The following RBFOX1 variants were observed in gnomAD, a reference collection of about 807,000 sequenced individuals.
The protein encoded by RBFOX1 is RNA binding fox-1 homolog 1, also known as RNA binding protein fox-1 homolog 1.
A neutral mutation model predicts 57.7 loss-of-function variants in RBFOX1; 8 were observed. That is an observed-to-expected ratio of 0.14 (90% CI 0.08 to 0.25). RBFOX1 has a LOEUF of 0.25. Ranked by LOEUF, RBFOX1 falls within the 10% of genes least tolerant of loss-of-function variation. RBFOX1 has a pLI of 1.00. For missense variants in RBFOX1, 611 were observed against 548.5 expected (o/e 1.11, Z -1.14); for synonymous variants, 326 against 222.4 (o/e 1.47, Z -4.15).
At chr16:6,278,732 C>G (rs1029648866) in intron 1 of RBFOX1, among the ~76,000 whole-genome samples, 9 of 151,932 alleles carry the variant, frequency 5.9e-5, no homozygotes, top group African/African-American at 2.2e-4. Context: ...TTGCATACAG[C>G]TTAGAGCAGA....
intron 1 of RBFOX1, among the ~76,000 whole-genome samples, chr16:6,306,915 G>A (rs1387536530): frequency 6.6e-6 from 1 of 152,124 alleles, no homozygotes; most frequent in African/African-American, 2.4e-5. Flanking sequence ...GATTGGTAAA[G>A]GAAGATATAG....
At chr16:7,213,883 G>A (rs1225107852) in intron 4 of RBFOX1, among the ~76,000 whole-genome samples, 1 of 152,182 alleles carries the variant, frequency 6.6e-6, no homozygotes, top group African/African-American at 2.4e-5. Flanking sequence ...CTCAAAGACA[G>A]CTAGAGGGCT....
At chr16:7,587,396 G>A (rs2094186907) in intron 7 of RBFOX1, 96 bp downstream of exon 7, 1 of 1,234,508 alleles carries the variant, frequency 8.1e-7, no homozygotes, top group East Asian at 2.8e-5. Flanking sequence ...TCAGCTCATT[G>A]TGAAAATACA....
chr16:7,294,657 T>C (rs867438895), intron 4 of RBFOX1, among the ~76,000 whole-genome samples: 19 of 152,034 alleles, frequency 1.2e-4, no homozygotes, highest in Middle Eastern at 3.2e-3. Flanking sequence ...TATGATAAAA[T>C]TAGGTGGCTG....
intron 4 of RBFOX1, among the ~76,000 whole-genome samples, chr16:7,132,433 GACAC>G (rs36226659): frequency 0.072 from 10,387 of 144,538 alleles, 441 homozygotes; most frequent in Non-Finnish European, 0.1. Flanking sequence ...GTGATACACA[GACAC>G]ACACACACAC....
At chr16:7,643,163 A>G (rs1174345601) in intron 11 of RBFOX1, among the ~76,000 whole-genome samples, 3 of 152,202 alleles carry the variant, frequency 2.0e-5, no homozygotes, top group African/African-American at 7.2e-5. Flanking sequence ...CAGAGACACA[A>G]GGACCTTACA....
chr16:6,852,013 T>A (rs1380851805), intron 3 of RBFOX1, among the ~76,000 whole-genome samples: 1 of 150,512 alleles, frequency 6.6e-6, no homozygotes, highest in Non-Finnish European at 1.5e-5. Context: ...GCAAGCTCCA[T>A]CTCCCGGGTT....
chr16:5,462,254 C>A (rs4786032), intron 1 of RBFOX1, among the ~76,000 whole-genome samples: 1 of 151,060 alleles, frequency 6.6e-6, no homozygotes, highest in Admixed American at 6.6e-5. Context: ...CTGCAAGCTC[C>A]GCCTCCCGGG....
At chr16:6,998,882 AT>A (rs2092504903) in intron 3 of RBFOX1, among the ~76,000 whole-genome samples, 1 of 151,546 alleles carries the variant, frequency 6.6e-6, no homozygotes, top group Non-Finnish European at 1.5e-5. Context: ...TATTATTATT[AT>A]TTTGCGACTG....
At chr16:6,994,582 A>G (rs1020564216) in intron 3 of RBFOX1, among the ~76,000 whole-genome samples, 1 of 152,204 alleles carries the variant, frequency 6.6e-6, no homozygotes, top group Non-Finnish European at 1.5e-5. Context: ...TGTTGGGTCC[A>G]GCACCAGGAA....
At chr16:5,377,478 TGAG>T (rs768245262) in intron 1 of RBFOX1, among the ~76,000 whole-genome samples, 4 of 145,344 alleles carry the variant, frequency 2.8e-5, no homozygotes, top group Non-Finnish European at 4.5e-5. Context: ...GTGAGCTTGG[TGAG>T]GAGGAGGAGT....
chr16:7,125,202 C>G (rs1044984105), intron 4 of RBFOX1, among the ~76,000 whole-genome samples: 26 of 152,204 alleles, frequency 1.7e-4, no homozygotes. Context: ...GCCACACTGT[C>G]TTGAGTTCAG....
chr16:6,138,184 T>G (rs554622732), intron 1 of RBFOX1, among the ~76,000 whole-genome samples: 1 of 152,356 alleles, frequency 6.6e-6, no homozygotes, highest in Non-Finnish European at 1.5e-5. Flanking sequence ...AGGGCCCATT[T>G]GATGGGTGTG....
At chr16:6,644,933 G>A (rs1284932963) in intron 2 of RBFOX1, among the ~76,000 whole-genome samples, 2 of 152,144 alleles carry the variant, frequency 1.3e-5, no homozygotes, top group African/African-American at 4.8e-5. Flanking sequence ...TATTTTCTAT[G>A]ACTTCCGTAG....
At chr16:6,294,903 A>G (rs1403583013) in intron 1 of RBFOX1, among the ~76,000 whole-genome samples, 1 of 152,164 alleles carries the variant, frequency 6.6e-6, no homozygotes, top group Non-Finnish European at 1.5e-5. Context: ...GCTGATAAAA[A>G]AAGATACATG....
At chr16:7,195,517 A>T (rs111800818) in intron 4 of RBFOX1, among the ~76,000 whole-genome samples, 9 of 152,286 alleles carry the variant, frequency 5.9e-5, no homozygotes, top group African/African-American at 2.2e-4. Flanking sequence ...TTGAGGACCT[A>T]CGATGCTTGC....
chr16:6,862,269 A>G lies in RBFOX1; in HGVS notation c.-15-189788A>G, dbSNP rs543843666. 1.2e-4 allele frequency among the ~76,000 whole-genome samples: 19 copies of G among 152,246 alleles called. No individual in the cohort carries two copies. In the South Asian group the frequency reaches 3.9e-3, roughly 32 times the overall value. ...CCAGAGTCCTAGGCCACCTCCAGAG[A>G]TTTTAATTCTGTAGGTCTGGAGTGG... On this transcript the variant is annotated intron_variant, in intron 3 of 15. Coordinates refer to ENST00000550418, the MANE Select transcript of RBFOX1 (RefSeq NM_018723.4).
chr16:7,363,953 T>C (rs571400574), intron 4 of RBFOX1, among the ~76,000 whole-genome samples: 4 of 152,198 alleles, frequency 2.6e-5, no homozygotes, highest in African/African-American at 9.6e-5. Flanking sequence ...TGGTGTCTTA[T>C]GGTGAGGAAA....
intron 3 of RBFOX1, among the ~76,000 whole-genome samples, chr16:7,040,062 C>T (rs1332827418): frequency 3.3e-5 from 5 of 151,662 alleles, no homozygotes; most frequent in Non-Finnish European, 7.4e-5. Context: ...TGCTCTGTCA[C>T]CAGGTTGGAG....
Sources: allele counts gnomAD v4.1 joint callset (sites outside exome capture counted in the v4.1 genomes callset), GRCh38; gene constraint gnomAD v4.1.1; transcripts MANE v1.5; gene names NCBI Gene and HGNC (gene_info 2026-07-23, HGNC 2026-07-21).